The following BACE2 variants were observed in gnomAD, a reference collection of about 807,000 sequenced individuals.
The protein encoded by BACE2 is beta-secretase 2.
In BACE2, 17 loss-of-function variants were observed where a neutral mutation model predicts 46.2. The ratio of observed to expected loss-of-function variants is 0.37; its 90% CI spans 0.25 to 0.55. BACE2 has a LOEUF of 0.55. Among genes scored for constraint, BACE2 ranks in the 20% least tolerant of loss-of-function variants. BACE2 has a pLI of 0.82. For synonymous variants in BACE2, 277 were observed against 295.9 expected (o/e 0.94, Z 0.66); for missense variants, 595 against 698.1 (o/e 0.85, Z 1.66).
chr21:41,259,405 T>C (rs1459302787), intron 8 of BACE2, among the ~76,000 whole-genome samples: 2 of 152,062 alleles, frequency 1.3e-5, no homozygotes, highest in East Asian at 3.9e-4. Flanking sequence ...CAGTGCTCGA[T>C]AGAACCCTAA....
chr21:41,242,440 G>A (rs986726664), intron 4 of BACE2, among the ~76,000 whole-genome samples: 2 of 152,150 alleles, frequency 1.3e-5, no homozygotes, highest in Admixed American at 6.5e-5. Context: ...CGGAGGTGCT[G>A]GAGCCTGAGC....
At chr21:41,208,695 G>A (rs1443462892) in intron 1 of BACE2, among the ~76,000 whole-genome samples, 1 of 152,172 alleles carries the variant, frequency 6.6e-6, no homozygotes, top group African/African-American at 2.4e-5. Flanking sequence ...CTCAGGGGCT[G>A]CTGAGGATGG....
At position 41,171,338 on chromosome 21, in the gene BACE2, T is replaced by G. The variant is rs8128000; in HGVS notation, c.312+2763T>G. 4.6e-3 allele frequency among the ~76,000 whole-genome samples: 704 copies of G among 152,266 alleles called. 4 individuals are homozygous for G. Among genetic ancestry groups the G allele is most frequent in the African/African-American group, 0.015 (622 of 41,556 alleles). ...GGAACCAGAGCCCTCCAGCTCCCCTTCTTTTATGGGAAAGTCAACTGTTGG... is the reference window on the plus strand; with the variant it reads ...GGAACCAGAGCCCTCCAGCTCCCCTGCTTTTATGGGAAAGTCAACTGTTGG... On this transcript the variant is annotated intron_variant, in intron 1 of 8. Transcript: ENST00000330333.
chr21:41,267,404 C>A (rs1291608956), intron 8 of BACE2, among the ~76,000 whole-genome samples: 1 of 152,170 alleles, frequency 6.6e-6, no homozygotes, highest in Non-Finnish European at 1.5e-5. Flanking sequence ...TTAAAATTGA[C>A]AACTCTCTGT....
At chr21:41,204,697 T>G (rs1986070416) in intron 1 of BACE2, among the ~76,000 whole-genome samples, 1 of 152,266 alleles carries the variant, frequency 6.6e-6, no homozygotes, top group Non-Finnish European at 1.5e-5. Context: ...CTTTATGACT[T>G]TTCTATACCA....
At chr21:41,265,002 T>C (rs1988031531) in intron 8 of BACE2, among the ~76,000 whole-genome samples, 1 of 152,124 alleles carries the variant, frequency 6.6e-6, no homozygotes, top group South Asian at 2.1e-4. Flanking sequence ...TAAATAAATA[T>C]GCCAGTTAAC....
At chr21:41,262,638 C>T (rs1181596608) in intron 8 of BACE2, among the ~76,000 whole-genome samples, 2 of 152,060 alleles carry the variant, frequency 1.3e-5, no homozygotes, top group Non-Finnish European at 2.9e-5. Context: ...ATCAAGTTTC[C>T]CCTATGAATG....
At position 41,276,308 on chromosome 21, in the gene BACE2, A is replaced by G. The variant is rs2088489180; in HGVS notation, c.*684A>G. 1 of 152,280 alleles carries G rather than the reference A, an allele frequency of 6.6e-6. No homozygotes were observed. Among genetic ancestry groups the G allele is most frequent in the African/African-American group, 2.4e-5 (1 of 41,432 alleles). 9.4% of individuals were successfully genotyped at this position (152,280 alleles called of 1,614,324 possible). ...TGCCCGTTGAGGTAGAGGGGAAGGA[A>G]ATCTCCTCTTTTGTACCCAATACTT... On this transcript the variant is annotated 3_prime_UTR_variant, in exon 9 of 9. Transcript: ENST00000330333.
intron 2 of BACE2, among the ~76,000 whole-genome samples, chr21:41,229,715 G>A (rs191286109): frequency 2.6e-4 from 39 of 152,304 alleles, no homozygotes; most frequent in East Asian, 1.2e-3. Context: ...TCAGGCTACC[G>A]TGGGACACAT....
At chr21:41,266,426 G>A (rs903948689) in intron 8 of BACE2, among the ~76,000 whole-genome samples, 1 of 152,252 alleles carries the variant, frequency 6.6e-6, no homozygotes, top group Non-Finnish European at 1.5e-5. Flanking sequence ...CCAAGAGAGT[G>A]CAGTGTGCCT....
intron 1 of BACE2, chr21:41,180,359 T>C (rs981526043): frequency 1.2e-5 from 2 of 171,676 alleles, no homozygotes; most frequent in East Asian, 3.8e-4. Context: ...ATACTCCTCC[T>C]TAATCTTAAG....
intron 2 of BACE2, among the ~76,000 whole-genome samples, chr21:41,229,315 G>T (rs1986909724): frequency 6.6e-6 from 1 of 152,322 alleles, no homozygotes; most frequent in Admixed American, 6.5e-5. Context: ...ACTTAGAATA[G>T]GTTTTTCTCT....
intron 5 of BACE2, among the ~76,000 whole-genome samples, chr21:41,244,890 T>C (rs1237548499): frequency 6.6e-6 from 1 of 151,102 alleles, no homozygotes; most frequent in Non-Finnish European, 1.5e-5. Context: ...TGAGTGTGTG[T>C]GTATGTGTGT....
chr21:41,181,421 C>G (rs1985118636), intron 1 of BACE2: 1 of 167,062 alleles, frequency 6.0e-6, no homozygotes, highest in South Asian at 2.1e-4. Context: ...GTCACCTTCC[C>G]AGATCAGGCA....
intron 1 of BACE2, chr21:41,178,844 A>G: frequency 4.1e-6 from 1 of 244,126 alleles, no homozygotes; most frequent in Non-Finnish European, 8.0e-6. Context: ...TCCCCTTATA[A>G]GGAAGACAGA....
At chr21:41,217,378 G>A (rs144755345) in intron 1 of BACE2, among the ~76,000 whole-genome samples, 17 of 152,312 alleles carry the variant, frequency 1.1e-4, no homozygotes. Flanking sequence ...TCTCTGATTT[G>A]CCTTGTAAAG....
At chr21:41,255,679 T>G (rs1467316295) in intron 7 of BACE2, among the ~76,000 whole-genome samples, 2 of 152,086 alleles carry the variant, frequency 1.3e-5, no homozygotes, top group Non-Finnish European at 2.9e-5. Context: ...CCATGTGAAG[T>G]CCTCAGCAGA....
At chr21:41,198,996 T>C (rs897515434) in intron 1 of BACE2, among the ~76,000 whole-genome samples, 7 of 150,698 alleles carry the variant, frequency 4.6e-5, no homozygotes, top group African/African-American at 7.3e-5. Context: ...ACATTAGGTA[T>C]ATCTCCTAAA....
intron 8 of BACE2, among the ~76,000 whole-genome samples, chr21:41,269,551 G>A (rs1323070194): frequency 6.6e-6 from 1 of 152,170 alleles, no homozygotes; most frequent in Non-Finnish European, 1.5e-5. Flanking sequence ...TGTCACTGTA[G>A]ACTAGTTTGT....
Sources: gnomAD v4.1 joint callset for allele counts (sites outside exome capture counted in the v4.1 genomes callset) on GRCh38, gnomAD v4.1.1 for gene constraint, MANE v1.5 for transcripts, NCBI Gene and HGNC (gene_info 2026-07-23, HGNC 2026-07-21) for gene names.